EIF3E: variants seen among roughly 807,000 people sequenced by gnomAD.
EIF3E encodes the protein eukaryotic translation initiation factor 3 subunit E.
EIF3E carries 25 observed loss-of-function variants against 59.3 expected under a neutral mutation model. That is an observed-to-expected ratio of 0.42 (90% CI 0.31 to 0.59). EIF3E has a LOEUF of 0.59. EIF3E is among the 20% of genes least tolerant of loss of function. The probability of loss-of-function intolerance (pLI) is 0.15; values close to 1 mark genes in which losing one functional copy is unlikely to be tolerated. For missense variants in EIF3E, 317 were observed against 534.3 expected (o/e 0.59, Z 4.01); for synonymous variants, 176 against 170.2 (o/e 1.03, Z -0.26).
chr8:108,201,715 T>A lies in EIF3E; in HGVS notation c.*170A>T. On this transcript the variant is annotated 3_prime_UTR_variant, in exon 13 of 13. Transcript: ENST00000220849. Reference sequence around the variant, plus strand: ...AAAGAAAGTTAAAAAAACACAAACTTGCACATGCAAGAAAACTGACAGCAA... The same window carrying A: ...AAAGAAAGTTAAAAAAACACAAACTAGCACATGCAAGAAAACTGACAGCAA... 2 of 584,598 alleles carry A rather than the reference T, an allele frequency of 3.4e-6. No homozygotes were observed. 36.2% of individuals were successfully genotyped at this position (584,598 alleles called of 1,614,324 possible).
chr8:108,214,752 G>A (rs760743759), intron 9 of EIF3E, 36 bp from the exon 10 acceptor site: 5 of 1,544,300 alleles, frequency 3.2e-6, no homozygotes, highest in South Asian at 1.2e-5. Flanking sequence ...TAATGATGCT[G>A]ACAAGCAATT....
chr8:108,208,149 T>C (rs1815137563), intron 10 of EIF3E, among the ~76,000 whole-genome samples: 1 of 152,140 alleles, frequency 6.6e-6, no homozygotes, highest in Admixed American at 6.6e-5. Flanking sequence ...CAACCTCTCA[T>C]CTTAACAAAC....
rs1351597615 is a variant in EIF3E at position 108,234,944 on chromosome 8, G to T, written c.471+54C>A. On this transcript the variant is annotated intron_variant, in intron 5 of 12. Transcript: ENST00000220849. ...TATATACATGTTTTGAAGAACCAAG[G>T]GAATCCTACAAAAGACAAAAAAAAA... 5 of 1,124,726 alleles carry T rather than the reference G, an allele frequency of 4.4e-6. No individual in the cohort carries two copies. In the Admixed American group the frequency reaches 1.4e-4, roughly 32 times the overall value. 69.7% of individuals were successfully genotyped at this position (1,124,726 alleles called of 1,614,324 possible).
intron 1 of EIF3E, among the ~76,000 whole-genome samples, chr8:108,245,533 T>A (rs1452864242): frequency 1.3e-5 from 2 of 152,080 alleles, no homozygotes; most frequent in African/African-American, 4.8e-5. Flanking sequence ...ATATGCATTA[T>A]CTCATGTAAT....
chr8:108,222,548 A>G (rs1815437278), intron 7 of EIF3E, among the ~76,000 whole-genome samples: 1 of 152,174 alleles, frequency 6.6e-6, no homozygotes, highest in Non-Finnish European at 1.5e-5. Flanking sequence ...GACCAAAACC[A>G]CAGGTATATA....
chr8:108,241,981 C>A (rs1435918404), intron 1 of EIF3E, 68 bp from the exon 2 acceptor site: 2 of 1,226,636 alleles, frequency 1.6e-6, no homozygotes, highest in African/African-American at 3.1e-5. Context: ...AATACTAAAA[C>A]TAATTTACCT....
chr8:108,219,117 C>G (rs970371786), intron 7 of EIF3E, among the ~76,000 whole-genome samples: 1 of 152,060 alleles, frequency 6.6e-6, no homozygotes, highest in African/African-American at 2.4e-5. Flanking sequence ...GTTTATGAGA[C>G]TCATCATTAA....
chr8:108,213,049 G>A (rs181797487), intron 10 of EIF3E, among the ~76,000 whole-genome samples: 2 of 152,254 alleles, frequency 1.3e-5, no homozygotes, highest in East Asian at 3.9e-4. Context: ...AGAAAAGTCT[G>A]AAAAATTCTT....
chr8:108,240,778 A>G (rs967640956), intron 2 of EIF3E, among the ~76,000 whole-genome samples: 1 of 152,060 alleles, frequency 6.6e-6, no homozygotes, highest in Non-Finnish European at 1.5e-5. Context: ...TCAGGAGTTC[A>G]AGACCAGCCT....
chr8:108,229,082 G>A lies in EIF3E; in HGVS notation c.585C>T (p.Thr195=). ...AAGTCGAACTCACATTATTATCTAT[G>A]GTCTCTTTTAACCGTGTAAGGTCTT... The part of the protein sequence containing the change: ...AMEDLTRLKE[T]IDNNSVSSPL... The change falls in exon 6 of 13, where the codon ACC becomes ACT. Residue 195 remains threonine, a synonymous_variant. Coordinates refer to ENST00000220849, the MANE Select transcript of EIF3E (RefSeq NM_001568.3). The A allele has an allele frequency of 6.2e-7, 1 of 1,602,096 alleles. No homozygotes were observed. The highest frequency in any genetic ancestry group is 1.1e-5 in the South Asian group (1 of 89,320).
Position 108,235,105 on chromosome 8 carries a change from A to G in EIF3E, c.367-3T>C. On this transcript the variant is annotated splice_region_variant and splice_polypyrimidine_tract_variant and intron_variant, in intron 4 of 12. Transcript: ENST00000220849. ...GTATCTAAATATTCCTGCCTAAACT[A>G]AAAAGAAAAAAAAAAGATTAAGTTC... 6.6e-7 allele frequency: 1 copy of G among 1,512,256 alleles called. No homozygotes were observed. The highest frequency in any genetic ancestry group is 8.9e-7 in the Non-Finnish European group (1 of 1,122,262). 93.7% of individuals were successfully genotyped at this position (1,512,256 alleles called of 1,614,324 possible).
intron 3 of EIF3E, among the ~76,000 whole-genome samples, chr8:108,238,534 G>A (rs1361472638): frequency 6.6e-6 from 1 of 151,850 alleles, no homozygotes; most frequent in African/African-American, 2.4e-5. Flanking sequence ...TTTTATTGTA[G>A]TATTGTTATT....
intron 7 of EIF3E, among the ~76,000 whole-genome samples, chr8:108,220,120 G>A (rs532989780): frequency 6.6e-6 from 1 of 151,408 alleles, no homozygotes; most frequent in South Asian, 2.1e-4. Context: ...TCCAGGCCTG[G>A]GCGACGGAGC....
At chr8:108,219,766 G>T (rs1035717937) in intron 7 of EIF3E, among the ~76,000 whole-genome samples, 1 of 152,012 alleles carries the variant, frequency 6.6e-6, no homozygotes, top group East Asian at 1.9e-4. Flanking sequence ...TTAGGAGGTC[G>T]AGGCTGCAAT....
intron 7 of EIF3E, among the ~76,000 whole-genome samples, chr8:108,224,259 A>G (rs1360856263): frequency 6.6e-6 from 1 of 151,508 alleles, no homozygotes; most frequent in East Asian, 1.9e-4. Flanking sequence ...AAAAATATGC[A>G]ATTTACAATC....
chr8:108,229,159 A>T lies in EIF3E; in HGVS notation c.508T>A (p.Trp170Arg). Residue 170 changes from tryptophan (W) to arginine (R), a missense_variant, in exon 6 of 13, where the codon TGG (tryptophan) becomes AGG (arginine). By Grantham distance (101) the Trp-to-Arg change is moderately radical (BLOSUM62 -3). Around this residue, in one of 4 missense-constraint regions of EIF3E, gnomAD observed 242 missense variants for 398.0 expected, o/e 0.61. Transcript: ENST00000220849. Reference sequence around the variant, plus strand: ...AAGATTTCAGAGGCCAGCTTTCCCCAGAGTGAACTTAAAGCATTTCTATCT... The same window carrying T: ...AAGATTTCAGAGGCCAGCTTTCCCCTGAGTGAACTTAAAGCATTTCTATCT... ...ATDRNALSSL[W>R]GKLASEILMQ... 1 of 1,613,660 alleles carries T rather than the reference A, an allele frequency of 6.2e-7. No individual in the cohort carries two copies. The highest frequency in any genetic ancestry group is 8.5e-7 in the Non-Finnish European group (1 of 1,179,702).
intron 7 of EIF3E, 188 bp downstream of exon 7, chr8:108,228,079 C>T (rs966271660): frequency 1.3e-5 from 7 of 526,402 alleles, no homozygotes; most frequent in African/African-American, 6.0e-5. Context: ...GCTTAGGGTA[C>T]ACTCTGTCAA....
At chr8:108,232,050 C>CA (rs1277593271) in intron 5 of EIF3E, 2 of 151,954 alleles carry the variant, frequency 1.3e-5, no homozygotes, top group African/African-American at 2.4e-5. Flanking sequence ...AAGGCCACTG[C>CA]AAAAAATAAA....
At chr8:108,240,130 C>T (rs750096805) in intron 2 of EIF3E, 55 bp from the exon 3 acceptor site, 2 of 1,414,710 alleles carry the variant, frequency 1.4e-6, no homozygotes, top group South Asian at 1.1e-5. Context: ...AATTGTGCTA[C>T]TCATCATGAG....
Sources: gnomAD v4.1 joint callset for allele counts (sites outside exome capture counted in the v4.1 genomes callset) on GRCh38, gnomAD v4.1.1 for gene constraint, gnomAD v4.1.1 regional missense constraint, MANE v1.5 for transcripts, NCBI Gene and HGNC (gene_info 2026-07-23, HGNC 2026-07-21) for gene names.